The following SPATS2 variants were observed in gnomAD, a reference collection of about 807,000 sequenced individuals.
The protein encoded by SPATS2 is spermatogenesis associated serine rich 2.
Under a neutral mutation model 63.7 loss-of-function variants are expected in SPATS2, and 38 were observed. That is an observed-to-expected ratio of 0.60 (90% CI 0.46 to 0.78). The LOEUF (loss-of-function observed/expected upper bound fraction) is 0.78. Among genes scored for constraint, SPATS2 ranks in the 30% least tolerant of loss-of-function variants. SPATS2 has a pLI of 0.00. For synonymous variants in SPATS2, 207 were observed against 232.9 expected (o/e 0.89, Z 1.01); for missense variants, 588 against 666.2 (o/e 0.88, Z 1.29).
intron 2 of SPATS2, among the ~76,000 whole-genome samples, chr12:49,451,191 T>C (rs1303714169): frequency 6.6e-6 from 1 of 152,120 alleles, no homozygotes. Flanking sequence ...TTTTTTTGTG[T>C]ATCTTTTGGC....
intron 7 of SPATS2, 80 bp downstream of exon 7, chr12:49,495,082 A>G: frequency 7.2e-7 from 1 of 1,381,984 alleles, no homozygotes; most frequent in African/African-American, 1.5e-5. Flanking sequence ...TGATCAATTA[A>G]ATCTAGTTAG....
At chr12:49,390,226 G>T in intron 2 of SPATS2, 2 of 918,756 alleles carry the variant, frequency 2.2e-6, no homozygotes, top group Non-Finnish European at 3.3e-6. Flanking sequence ...GTGAATGAAT[G>T]AATGAACAGA....
At chr12:49,514,469 C>G in intron 9 of SPATS2, 86 bp from the exon 10 acceptor site, 2 of 1,252,440 alleles carry the variant, frequency 1.6e-6, no homozygotes, top group African/African-American at 3.0e-5. Flanking sequence ...AACAAACTCA[C>G]TGGTCTTTCT....
In SPATS2 at chr12:49,381,892, A is replaced by G. The variant is rs904681456; in HGVS notation, c.-244+10602A>G. ...TATATTCTACCAGGTTTATAGGTAGATATGCCGTTTCATTATATCGTGATT... is the reference window on the plus strand; with the variant it reads ...TATATTCTACCAGGTTTATAGGTAGGTATGCCGTTTCATTATATCGTGATT... On this transcript the variant is annotated intron_variant, in intron 2 of 13. Coordinates refer to ENST00000552918, the MANE Select transcript of SPATS2 (RefSeq NM_023071.4). Among the ~76,000 whole-genome samples, 59 of 152,342 alleles carry G rather than the reference A, an allele frequency of 3.9e-4. 1 individual carries two copies. The highest frequency in any genetic ancestry group is 1.3e-3 in the African/African-American group (56 of 41,588).
chr12:49,376,709 A>ATTTT (rs33952223), intron 2 of SPATS2, among the ~76,000 whole-genome samples: 4 of 55,800 alleles, frequency 7.2e-5, no homozygotes, highest in East Asian at 6.2e-4. Flanking sequence ...TGTTTTGTTG[A>ATTTT]TTTTTTTTTT....
chr12:49,525,171 C>T (rs1290614179), intron 13 of SPATS2, among the ~76,000 whole-genome samples: 1 of 152,214 alleles, frequency 6.6e-6, no homozygotes, highest in Non-Finnish European at 1.5e-5. Context: ...ATTAGTCACA[C>T]TGGGAGTCGT....
intron 2 of SPATS2, among the ~76,000 whole-genome samples, chr12:49,431,991 C>CA (rs1194750780): frequency 2.0e-5 from 3 of 151,490 alleles, no homozygotes; most frequent in South Asian, 4.2e-4. Flanking sequence ...AAGACCTTGT[C>CA]AAAAAAAACA....
At chr12:49,484,733 C>G in intron 4 of SPATS2, 64 bp downstream of exon 4, 1 of 1,390,060 alleles carries the variant, frequency 7.2e-7, no homozygotes, top group Non-Finnish European at 1.0e-6. Flanking sequence ...ACTAATACGA[C>G]TAGTGGCTAC....
intron 2 of SPATS2, among the ~76,000 whole-genome samples, chr12:49,397,180 T>C (rs1384642671): frequency 6.6e-6 from 1 of 152,216 alleles, no homozygotes; most frequent in African/African-American, 2.4e-5. Context: ...ACCTCAGTTA[T>C]CACTTCCTGA....
chr12:49,444,172 G>T (rs1280067603), intron 2 of SPATS2, among the ~76,000 whole-genome samples: 1 of 149,874 alleles, frequency 6.7e-6, no homozygotes, highest in African/African-American at 2.5e-5. Flanking sequence ...TATGAGATTT[G>T]TACATCTGTT....
At chr12:49,505,948 C>T (rs1946647746) in intron 9 of SPATS2, among the ~76,000 whole-genome samples, 1 of 152,150 alleles carries the variant, frequency 6.6e-6, no homozygotes, top group African/African-American at 2.4e-5. Context: ...AATAATTTTC[C>T]AACTTTATGA....
At chr12:49,470,227 T>A (rs1334778191) in intron 3 of SPATS2, among the ~76,000 whole-genome samples, 3 of 152,102 alleles carry the variant, frequency 2.0e-5, no homozygotes, top group Non-Finnish European at 4.4e-5. Context: ...AGACGGGTTT[T>A]CATCATGTTG....
At chr12:49,487,968 G>A (rs1265159757) in intron 4 of SPATS2, among the ~76,000 whole-genome samples, 1 of 152,102 alleles carries the variant, frequency 6.6e-6, no homozygotes, top group East Asian at 1.9e-4. Context: ...ACTATTCTGG[G>A]TTTTAGTTCC....
At chr12:49,472,419 A>T (rs1386552091) in intron 3 of SPATS2, among the ~76,000 whole-genome samples, 2 of 151,568 alleles carry the variant, frequency 1.3e-5, no homozygotes, top group Non-Finnish European at 2.9e-5. Context: ...AATTAAGAAC[A>T]TCTGTTCATT....
chr12:49,484,698 TTA>T, intron 4 of SPATS2, 29 bp downstream of exon 4: 2 of 1,602,656 alleles, frequency 1.2e-6, no homozygotes, highest in Non-Finnish European at 1.7e-6. Flanking sequence ...GATAGTAAAC[TTA>T]AATGTCATAG....
At chr12:49,402,698 G>A (rs979139904) in intron 2 of SPATS2, among the ~76,000 whole-genome samples, 7 of 152,112 alleles carry the variant, frequency 4.6e-5, no homozygotes, top group African/African-American at 1.4e-4. Context: ...CTTGAGAAGT[G>A]ACCTAGGCAT....
rs1390315722 is a variant in SPATS2 at position 49,488,925 on chromosome 12, A to G, written c.106-540A>G. On this transcript the variant is annotated intron_variant, in intron 4 of 13. Coordinates refer to ENST00000552918, the MANE Select transcript of SPATS2 (RefSeq NM_023071.4). ...TTATTAGGTGTTCATGGGGGCTTCA[A>G]TTATATTTATTTTGTTTTAATAAAC... is the stretch of plus-strand genomic sequence containing the variant. Among the ~76,000 whole-genome samples the G allele has an allele frequency of 4.6e-5, 7 of 152,290 alleles. No homozygotes were observed. In the East Asian group the frequency reaches 7.7e-4, roughly 17 times the overall value.
At chr12:49,477,960 G>GTTTTTTTT (rs1352330686) in intron 3 of SPATS2, among the ~76,000 whole-genome samples, 1 of 119,800 alleles carries the variant, frequency 8.3e-6, no homozygotes, top group Non-Finnish European at 1.8e-5. Context: ...TTGTGGTTTT[G>GTTTTTTTT]TCTTTTTTTT....
chr12:49,400,645 C>T (rs1944589238), intron 2 of SPATS2, among the ~76,000 whole-genome samples: 1 of 152,096 alleles, frequency 6.6e-6, no homozygotes, highest in Admixed American at 6.6e-5. Flanking sequence ...TGATTGCCTT[C>T]TCTTTCACTG....
Sources: allele counts gnomAD v4.1 joint callset (sites outside exome capture counted in the v4.1 genomes callset), GRCh38; gene constraint gnomAD v4.1.1; transcripts MANE v1.5; gene names NCBI Gene and HGNC (gene_info 2026-07-23, HGNC 2026-07-21).